The following ELAC2 variants were observed in gnomAD, a reference collection of about 807,000 sequenced individuals.
ELAC2 encodes the protein zinc phosphodiesterase ELAC protein 2.
In ELAC2, 92 loss-of-function variants were observed where a neutral mutation model predicts 105.2. The ratio of observed to expected loss-of-function variants is 0.87; its 90% CI spans 0.74 to 1.04. ELAC2 has a LOEUF of 1.04. Ranked by LOEUF, ELAC2 falls within the 50% of genes least tolerant of loss-of-function variation. ELAC2 has a pLI of 0.00. For missense variants in ELAC2, 1,099 were observed against 1,071.7 expected (o/e 1.03, Z -0.36); for synonymous variants, 468 against 409.1 (o/e 1.14, Z -1.74).
intron 11 of ELAC2, 60 bp downstream of exon 11, chr17:13,004,929 A>G: frequency 1.5e-6 from 2 of 1,299,558 alleles, no homozygotes; most frequent in East Asian, 2.3e-5. Flanking sequence ...CAAGATGCCC[A>G]TGTCGATGCT....
At chr17:13,010,458 T>G (rs1268630149) in intron 8 of ELAC2, among the ~76,000 whole-genome samples, 155 bp downstream of exon 8, 1 of 152,220 alleles carries the variant, frequency 6.6e-6, no homozygotes, top group African/African-American at 2.4e-5. Flanking sequence ...CGTGAGCCAC[T>G]GCACCCGGCC....
intron 5 of ELAC2, 32 bp downstream of exon 5, chr17:13,014,407 T>G (rs372368493): frequency 6.4e-7 from 1 of 1,559,592 alleles, no homozygotes; most frequent in South Asian, 1.1e-5. Context: ...AAGTTAGAAA[T>G]AGCAGAGGAT....
At position 13,014,150 on chromosome 17, in the gene ELAC2, G is replaced by A. The variant is rs554428965; in HGVS notation, c.490+289C>T. Among the ~76,000 whole-genome samples, 8 of 152,186 alleles carry A rather than the reference G, an allele frequency of 5.3e-5. No individual in the cohort carries two copies. In the South Asian group the frequency reaches 1.5e-3, roughly 28 times the overall value. Reference sequence around the variant, plus strand: ...CTACTAAAAATACAAAAAATTAGCTGAGCGTGATGGCATGCGCCTGTAGTC... The same window carrying A: ...CTACTAAAAATACAAAAAATTAGCTAAGCGTGATGGCATGCGCCTGTAGTC... On this transcript the variant is annotated intron_variant, in intron 5 of 23. Transcript: ENST00000338034.
chr17:13,013,779 C>T (rs770100135), intron 5 of ELAC2, among the ~76,000 whole-genome samples: 2 of 152,156 alleles, frequency 1.3e-5, no homozygotes, highest in Non-Finnish European at 2.9e-5. Flanking sequence ...GCTGGAGCTG[C>T]GTTTCAATGT....
chr17:13,002,662 A>G, intron 12 of ELAC2, 83 bp from the exon 13 acceptor site: 1 of 1,547,196 alleles, frequency 6.5e-7, no homozygotes, highest in Non-Finnish European at 8.7e-7. Flanking sequence ...CAGGAGTGGT[A>G]ATGAGGATGA....
intron 1 of ELAC2, chr17:13,017,451 T>C: frequency 1.3e-6 from 1 of 743,864 alleles, no homozygotes; most frequent in East Asian, 2.7e-5. Context: ...CCGAAAGTGC[T>C]GACAGCCAGG....
chr17:13,017,792 GGA>G lies in ELAC2; in HGVS notation c.154_155del (p.Ser52ArgfsTer15). ...TREKRGPSGC[S>X]GGPNTVYLQV... ...GCAGGTACACGGTGTTTGGGCCGCC[GGA>G]GCACCCCGACGGTCCGCGCTTCTCT... is the stretch of plus-strand genomic sequence containing the variant. On this transcript the variant is annotated frameshift_variant, in exon 1 of 24. Coordinates refer to ENST00000338034, the MANE Select transcript of ELAC2 (RefSeq NM_018127.7). LOFTEE classifies it high-confidence loss of function. 1.2e-6 allele frequency: 2 copies of G among 1,607,866 alleles called. No individual in the cohort carries two copies. Among genetic ancestry groups the G allele is most frequent in the Non-Finnish European group, 1.7e-6 (2 of 1,177,934 alleles).
At position 12,995,587 on chromosome 17, in the gene ELAC2, T is replaced by C. The variant is rs146059304; in HGVS notation, c.1808+116A>G. The stretch of plus-strand genomic sequence containing the variant: ...CCCCTGCTTCTGCCATCTGGGACCA[T>C]GTCAAGGGCAAGGCTGCTGGGGGAT... On this transcript the variant is annotated intron_variant, in intron 19 of 23. Transcript: ENST00000338034. The C allele has an allele frequency of 1.9e-3, 1,878 of 1,008,754 alleles. 5 individuals are homozygous for C. Among genetic ancestry groups the C allele is most frequent in the Non-Finnish European group, 2.4e-3 (1,622 of 662,054 alleles). 62.5% of individuals were successfully genotyped at this position (1,008,754 alleles called of 1,614,324 possible).
intron 4 of ELAC2, 29 bp downstream of exon 4, chr17:13,015,738 CT>C (rs2041680578): frequency 1.0e-5 from 16 of 1,592,660 alleles, no homozygotes; most frequent in Non-Finnish European, 1.4e-5. Flanking sequence ...GGAAAGATTG[CT>C]TTTGAAAGAT....
At position 12,994,437 on chromosome 17, in the gene ELAC2, T is replaced by C; in HGVS notation, c.2096A>G (p.Glu699Gly). The C allele has an allele frequency of 6.2e-7, 1 of 1,614,192 alleles. No individual in the cohort carries two copies. Among genetic ancestry groups the C allele is most frequent in the Non-Finnish European group, 8.5e-7 (1 of 1,180,024 alleles). Reference sequence around the variant, plus strand: ...CGGCCTTTGCTACCTGTGTGTCTTTTCCACTGCTTCCTCTTCCAAACCATC... The same window carrying C: ...CGGCCTTTGCTACCTGTGTGTCTTTCCCACTGCTTCCTCTTCCAAACCATC... Reference protein sequence around the residue: ...LEDGLEEEAVEKTHSTTSQAI... With the variant: ...LEDGLEEEAVGKTHSTTSQAI... The change falls in exon 22 of 24, where the codon GAA becomes GGA. Residue 699 changes from glutamate (E) to glycine (G), a missense_variant. Physicochemically the swap from Glu to Gly is moderately conservative, Grantham distance 98 (BLOSUM62 -2). Coordinates refer to ENST00000338034, the MANE Select transcript of ELAC2 (RefSeq NM_018127.7).
intron 6 of ELAC2, among the ~76,000 whole-genome samples, chr17:13,012,020 G>A (rs888629215): frequency 2.6e-5 from 4 of 152,100 alleles, no homozygotes; most frequent in East Asian, 1.9e-4. Flanking sequence ...ACTCAACAAC[G>A]TGTTATCTAA....
At chr17:13,008,255 T>C (rs544621535) in intron 8 of ELAC2, among the ~76,000 whole-genome samples, 1 of 151,898 alleles carries the variant, frequency 6.6e-6, no homozygotes, top group East Asian at 2.0e-4. Context: ...CTCACGCCTG[T>C]AATCCCAGCA....
At chr17:13,001,417 G>A (rs193289563) in intron 14 of ELAC2, among the ~76,000 whole-genome samples, 2,069 of 152,202 alleles carry the variant, frequency 0.014, 24 homozygotes, top group Non-Finnish European at 0.02. Flanking sequence ...GCTTGAACCC[G>A]GGAGGCGGAG....
At position 13,000,216 on chromosome 17, in the gene ELAC2, T is replaced by G; in HGVS notation, c.1363A>C (p.Asn455His). ...TACTCCTGCACGCTCTGCTGGAAGTTGGGAAGCTGCAGCGCCTCAACTATG... is the reference window on the plus strand; with the variant it reads ...TACTCCTGCACGCTCTGCTGGAAGTGGGGAAGCTGCAGCGCCTCAACTATG... ...EFIVEALQLP[N>H]FQQSVQEYRR... Residue 455 changes from asparagine to histidine, a missense_variant, in exon 15 of 24, where the codon AAC becomes CAC. By Grantham distance (68) the Asn-to-His change is moderately conservative. Transcript: ENST00000338034. The G allele has an allele frequency of 6.2e-7, 1 of 1,614,092 alleles. No individual in the cohort carries two copies. Among genetic ancestry groups the G allele is most frequent in the Non-Finnish European group, 8.5e-7 (1 of 1,180,042 alleles).
intron 6 of ELAC2, 40 bp from the exon 7 acceptor site, chr17:13,011,822 G>A (rs781199355): frequency 1.9e-6 from 3 of 1,613,948 alleles, no homozygotes; most frequent in South Asian, 1.1e-5. Context: ...CACTGCACAA[G>A]GTGAGCTGAC....
At chr17:13,004,900 A>G (rs1231444795) in intron 11 of ELAC2, 89 bp downstream of exon 11, 4 of 1,068,994 alleles carry the variant, frequency 3.7e-6, no homozygotes, top group Non-Finnish European at 1.4e-6. Context: ...TGGTCTTCCC[A>G]GAAACACAGC....
chr17:13,011,833 A>G (rs545901579), intron 6 of ELAC2, 51 bp from the exon 7 acceptor site: 5 of 1,613,866 alleles, frequency 3.1e-6, no homozygotes, highest in African/African-American at 1.3e-5. Flanking sequence ...GTGAGCTGAC[A>G]GCCAAGGCCC....
At chr17:13,002,932 G>A (rs963760160) in intron 12 of ELAC2, among the ~76,000 whole-genome samples, 2 of 152,158 alleles carry the variant, frequency 1.3e-5, no homozygotes, top group Non-Finnish European at 2.9e-5. Flanking sequence ...GGGGAGATAC[G>A]GGCAGGGGCC....
chr17:13,014,418 G>A (rs375463596), intron 5 of ELAC2, 21 bp downstream of exon 5: 6 of 1,590,748 alleles, frequency 3.8e-6, no homozygotes, highest in South Asian at 1.1e-5. Flanking sequence ...AGCAGAGGAT[G>A]AGTCACAGAC....
Sources: allele counts gnomAD v4.1 joint callset (sites outside exome capture counted in the v4.1 genomes callset), GRCh38; gene constraint gnomAD v4.1.1; transcripts MANE v1.5; gene names NCBI Gene and HGNC (gene_info 2026-07-23, HGNC 2026-07-21).